Variants in NRXN3 observed in about 807,000 individuals in gnomAD.
NRXN3 encodes neurexin III.
In NRXN3, 32 loss-of-function variants were observed where a neutral mutation model predicts 137.6. That is an observed-to-expected ratio of 0.23 (90% CI 0.18 to 0.31). The LOEUF is 0.31. Ranked by LOEUF, NRXN3 falls within the 10% of genes least tolerant of loss-of-function variation. The probability of loss-of-function intolerance (pLI) is 1.00; values close to 1 mark genes in which losing one functional copy is unlikely to be tolerated. For missense variants in NRXN3, 1,574 were observed against 2,062.5 expected, an observed-to-expected ratio of 0.76 and a Z score of 4.59; for synonymous variants, 798 against 784.5, an observed-to-expected ratio of 1.02 and a Z score of -0.29.
intron 15 of NRXN3, among the ~76,000 whole-genome samples, chr14:79,444,751 G>A (rs2011312): frequency 0.69 from 104,934 of 152,082 alleles, 36,897 homozygotes; most frequent in African/African-American, 0.82. Context: ...TTGCTTGAGC[G>A]CAGGGGTTCT....
chr14:79,780,381 A>C (rs2099109865), intron 19 of NRXN3, among the ~76,000 whole-genome samples: 1 of 151,950 alleles, frequency 6.6e-6, no homozygotes, highest in East Asian at 1.9e-4. Flanking sequence ...CAGGCAGATC[A>C]CAAGGTCAGG....
chr14:78,330,472 C>T (rs2080676699), intron 4 of NRXN3, among the ~76,000 whole-genome samples: 1 of 152,150 alleles, frequency 6.6e-6, no homozygotes, highest in South Asian at 2.1e-4. Flanking sequence ...ACTCTAACGC[C>T]TTTCCCAAAC....
At chr14:78,974,194 A>G (rs1311973225) in intron 14 of NRXN3, among the ~76,000 whole-genome samples, 1 of 152,216 alleles carries the variant, frequency 6.6e-6, no homozygotes, top group African/African-American at 2.4e-5. Flanking sequence ...TTGTCAAGAA[A>G]GATCCACTAT....
At chr14:78,437,510 G>A (rs4899710) in intron 4 of NRXN3, among the ~76,000 whole-genome samples, 151,816 of 152,248 alleles carry the variant, frequency 1, 75,694 homozygotes, top group Non-Finnish European at 1. Context: ...CATGATGCCC[G>A]GCTAAGTTTT....
intron 10 of NRXN3, among the ~76,000 whole-genome samples, chr14:78,919,229 T>C (rs1262728151): frequency 6.6e-6 from 1 of 152,204 alleles, no homozygotes; most frequent in Non-Finnish European, 1.5e-5. Context: ...TGTAATTCTG[T>C]GTATTACAGA....
rs571793118 is a variant in NRXN3 at position 78,415,513 on chromosome 14, C to T, written c.757+117653C>T. Among the ~76,000 whole-genome samples, 23 of 152,250 alleles carry T rather than the reference C, an allele frequency of 1.5e-4. No homozygotes were observed. The South Asian group carries it at 4.8e-3, about 32-fold the overall frequency. The stretch of plus-strand genomic sequence containing the variant: ...TGGTTGCATTCAGCTGTGAACTTAG[C>T]TGGGCCTGGGATGTACAGGAAGGCT... On this transcript the variant is annotated intron_variant, in intron 4 of 20. Transcript: ENST00000335750.
intron 6 of NRXN3, among the ~76,000 whole-genome samples, chr14:78,656,769 T>C (rs1210156432): frequency 6.6e-6 from 1 of 151,744 alleles, no homozygotes; most frequent in African/African-American, 2.4e-5. Flanking sequence ...CTCGGCCGAG[T>C]GCGGTGGCTT....
intron 4 of NRXN3, among the ~76,000 whole-genome samples, chr14:78,368,052 C>A (rs1395908605): frequency 6.6e-6 from 1 of 152,142 alleles, no homozygotes; most frequent in Non-Finnish European, 1.5e-5. Flanking sequence ...GCCCTTACTT[C>A]AAAAATTTTA....
chr14:78,746,894 C>T (rs2098610307), intron 8 of NRXN3, among the ~76,000 whole-genome samples: 1 of 152,136 alleles, frequency 6.6e-6, no homozygotes, highest in Non-Finnish European at 1.5e-5. Flanking sequence ...GATGAAAAGA[C>T]AATTGAGAAA....
At chr14:78,742,005 T>C (rs2098578025) in intron 8 of NRXN3, among the ~76,000 whole-genome samples, 4 of 152,174 alleles carry the variant, frequency 2.6e-5, no homozygotes. Flanking sequence ...CTTTGAGCTC[T>C]ATGGAGACCT....
At chr14:78,869,782 T>C (rs756048351) in intron 10 of NRXN3, among the ~76,000 whole-genome samples, 6 of 152,306 alleles carry the variant, frequency 3.9e-5, no homozygotes, top group Non-Finnish European at 8.8e-5. Context: ...GAAAAAATTA[T>C]AGAAGGACAA....
intron 8 of NRXN3, among the ~76,000 whole-genome samples, chr14:78,740,370 G>A (rs2098559283): frequency 2.1e-5 from 2 of 94,426 alleles, no homozygotes; most frequent in South Asian, 6.9e-4. Context: ...TAAAGCACTT[G>A]TTCCCTTGTC....
chr14:78,579,005 G>A (rs2152347266), intron 4 of NRXN3, among the ~76,000 whole-genome samples: 1 of 152,092 alleles, frequency 6.6e-6, no homozygotes, highest in African/African-American at 2.4e-5. Flanking sequence ...AGTGCTGAGA[G>A]AACTGTCAAC....
chr14:79,469,836 T>G (rs748373241), intron 16 of NRXN3, among the ~76,000 whole-genome samples: 34 of 152,324 alleles, frequency 2.2e-4, no homozygotes, highest in Non-Finnish European at 4.0e-4. Context: ...CATATTTTAT[T>G]TCCTTGCAGA....
chr14:78,928,417 A>G (rs1253173492), intron 10 of NRXN3, among the ~76,000 whole-genome samples: 1 of 152,110 alleles, frequency 6.6e-6, no homozygotes, highest in Non-Finnish European at 1.5e-5. Context: ...GTCATTTAAC[A>G]TTAGGTATAT....
At chr14:79,199,500 T>TA (rs2065637515) in intron 15 of NRXN3, among the ~76,000 whole-genome samples, 1 of 152,194 alleles carries the variant, frequency 6.6e-6, no homozygotes, top group African/African-American at 2.4e-5. Context: ...AGGGAGAAGA[T>TA]ATAAAGATTA....
intron 15 of NRXN3, among the ~76,000 whole-genome samples, chr14:79,161,322 A>G (rs190627138): frequency 8.5e-5 from 13 of 152,050 alleles, no homozygotes; most frequent in Admixed American, 1.3e-4. Flanking sequence ...GGAGAAGTTT[A>G]TACTCACTTC....
intron 8 of NRXN3, among the ~76,000 whole-genome samples, chr14:78,802,966 A>T (rs2098844048): frequency 6.6e-6 from 1 of 152,058 alleles, no homozygotes; most frequent in African/African-American, 2.4e-5. Flanking sequence ...AATAAAAATA[A>T]GTCAGTTTTC....
rs542326631 is a variant in NRXN3 at position 79,033,128 on chromosome 14, A to C, written c.3262+44987A>C. Among the ~76,000 whole-genome samples, 3 of 152,034 alleles carry C rather than the reference A, an allele frequency of 2.0e-5. No homozygotes were observed. The South Asian group carries it at 6.2e-4, about 32-fold the overall frequency. ...CCATCACTAGACTGACTCCTACTTG[A>C]CTTTCAGGACTTCTGACTTTTTCTT... On this transcript the variant is annotated intron_variant, in intron 15 of 20. Coordinates refer to ENST00000335750, the MANE Select transcript of NRXN3 (RefSeq NM_001330195.2).
Sources: allele counts gnomAD v4.1 joint callset (sites outside exome capture counted in the v4.1 genomes callset), GRCh38; gene constraint gnomAD v4.1.1; transcripts MANE v1.5; gene names NCBI Gene and HGNC (gene_info 2026-07-23, HGNC 2026-07-21).